Variants in ELL observed in about 807,000 individuals in gnomAD.
ELL encodes the protein RNA polymerase II elongation factor ELL.
In ELL, 18 loss-of-function variants were observed where a neutral mutation model predicts 64.0. The ratio of observed to expected loss-of-function variants is 0.28; its 90% CI spans 0.19 to 0.42. ELL has a LOEUF of 0.42. ELL is among the 10% of genes least tolerant of loss of function. ELL has a pLI of 1.00. For synonymous variants in ELL, 399 were observed against 376.2 expected (o/e 1.06, Z -0.70); for missense variants, 797 against 870.4 (o/e 0.92, Z 1.06).
rs564762169 is a variant in ELL, at chr19:18,496,832, G to T, written c.136-23950C>A. ...TAATATAAAAAATCCAGAAGGAAAA[G>T]TCTAGTCTGAAATGACAATGAGATA... On this transcript the variant is annotated intron_variant, in intron 1 of 11. Transcript: ENST00000262809. Among the ~76,000 whole-genome samples, 10 of 152,352 alleles carry T rather than the reference G, an allele frequency of 6.6e-5. No individual in the cohort carries two copies. In the South Asian group the frequency reaches 2.1e-3, roughly 32 times the overall value.
rs1974326051 is a variant in ELL, at chr19:18,442,983, GAACA to G, written c.*1765_*1768del. 8.6e-6 allele frequency: 2 copies of G among 232,222 alleles called. No individual in the cohort carries two copies. Among genetic ancestry groups the G allele is most frequent in the Middle Eastern group, 1.3e-3 (1 of 778 alleles). The allele number at this position is 232,222 out of a possible 1,614,324, so 14.4% of individuals were successfully genotyped here. ...TTAGCTTCATAATTCCTTAAAAGGAGAACAAATAAACAACAAAAACAACAACAAC... is the reference window on the plus strand; with the variant it reads ...TTAGCTTCATAATTCCTTAAAAGGAGAATAAACAACAAAAACAACAACAAC... On this transcript the variant is annotated 3_prime_UTR_variant, in exon 12 of 12. Transcript: ENST00000262809.
intron 1 of ELL, among the ~76,000 whole-genome samples, chr19:18,486,869 A>G (rs540361975): frequency 4.6e-5 from 7 of 152,142 alleles, no homozygotes; most frequent in Non-Finnish European, 7.3e-5. Flanking sequence ...GCAACCTGGG[A>G]GCTGCCACAT....
intron 1 of ELL, among the ~76,000 whole-genome samples, chr19:18,474,909 C>T (rs1418128064): frequency 6.6e-6 from 1 of 152,178 alleles, no homozygotes; most frequent in Non-Finnish European, 1.5e-5. Context: ...GATCACTTGA[C>T]GTCAGGAGTT....
rs1251873929 is a variant in ELL at position 18,521,785 on chromosome 19, G to A, written c.135+136C>T. 4 of 1,320,942 alleles carry A rather than the reference G, an allele frequency of 3.0e-6. No individual in the cohort carries two copies. The Admixed American group carries it at 9.5e-5, about 31-fold the overall frequency. 81.8% of individuals were successfully genotyped at this position (1,320,942 alleles called of 1,614,324 possible). ...CAGGCCGGACTGGCGCCCACTCCGC[G>A]CCCCGCCGGCCCAGGGACCCGCGAG... On this transcript the variant is annotated intron_variant, in intron 1 of 11. Coordinates refer to ENST00000262809, the MANE Select transcript of ELL (RefSeq NM_006532.4).
chr19:18,457,221 C>A (rs560189013), intron 6 of ELL, among the ~76,000 whole-genome samples: 1 of 152,204 alleles, frequency 6.6e-6, no homozygotes, highest in Non-Finnish European at 1.5e-5. Flanking sequence ...GGAAGCTCCC[C>A]GACGCCCCAG....
chr19:18,443,933 G>C lies in ELL; in HGVS notation c.*819C>G, dbSNP rs939725651. Reference sequence around the variant, plus strand: ...CAGCAGCAGCAACAAATGGGAAACCGAGGACATCGCAAAGAAAAGTCTGAC... The same window carrying C: ...CAGCAGCAGCAACAAATGGGAAACCCAGGACATCGCAAAGAAAAGTCTGAC... On this transcript the variant is annotated 3_prime_UTR_variant, in exon 12 of 12. Coordinates refer to ENST00000262809, the MANE Select transcript of ELL (RefSeq NM_006532.4). 1.3e-5 allele frequency: 3 copies of C among 232,614 alleles called. No homozygotes were observed. Among genetic ancestry groups the C allele is most frequent in the Non-Finnish European group, 2.5e-5 (3 of 117,728 alleles). 14.4% of individuals were successfully genotyped at this position (232,614 alleles called of 1,614,324 possible). A position where few individuals can be genotyped will look rare whatever the true frequency, so the allele number is the denominator to read the frequency against.
intron 1 of ELL, among the ~76,000 whole-genome samples, chr19:18,479,796 A>G (rs1263470201): frequency 6.6e-6 from 1 of 151,916 alleles, no homozygotes; most frequent in Non-Finnish European, 1.5e-5. Context: ...TGAAGAGATG[A>G]GACACACAGA....
intron 1 of ELL, among the ~76,000 whole-genome samples, chr19:18,509,598 T>TACACACACACACACAC (rs1183127480): frequency 3.8e-4 from 31 of 81,868 alleles, no homozygotes; most frequent in Admixed American, 1.0e-3. Flanking sequence ...CGCGCGCACA[T>TACACACACACACACAC]ACACACACAC....
chr19:18,477,044 A>G (rs1975190852), intron 1 of ELL, among the ~76,000 whole-genome samples: 1 of 152,230 alleles, frequency 6.6e-6, no homozygotes, highest in African/African-American at 2.4e-5. Context: ...ATGAGTCGGC[A>G]CAAAGACGTG....
At chr19:18,507,547 G>A (rs1378898024) in intron 1 of ELL, among the ~76,000 whole-genome samples, 1 of 152,212 alleles carries the variant, frequency 6.6e-6, no homozygotes, top group Non-Finnish European at 1.5e-5. Context: ...ATGCCTGCCT[G>A]CCCATGTCCA....
chr19:18,464,128 G>C (rs1974889802), intron 4 of ELL, among the ~76,000 whole-genome samples: 2 of 152,216 alleles, frequency 1.3e-5, no homozygotes, highest in Admixed American at 1.3e-4. Flanking sequence ...CAGCATTGTG[G>C]GAGGCCCAGG....
intron 1 of ELL, among the ~76,000 whole-genome samples, chr19:18,509,593 G>GCGCGCGCGCGCGCGCGCA: frequency 1.2e-5 from 1 of 83,240 alleles, no homozygotes; most frequent in East Asian, 3.9e-4. Flanking sequence ...GCGCGCGCGC[G>GCGCGCGCGCGCGCGCGCA]CACATACACA....
At chr19:18,457,217 T>C (rs1974699998) in intron 6 of ELL, among the ~76,000 whole-genome samples, 1 of 152,054 alleles carries the variant, frequency 6.6e-6, no homozygotes, top group African/African-American at 2.4e-5. Flanking sequence ...CCGGGGAAGC[T>C]CCCCGACGCC....
At chr19:18,461,484 C>G (rs1974812119) in intron 5 of ELL, 94 bp downstream of exon 5, 1 of 1,520,026 alleles carries the variant, frequency 6.6e-7, no homozygotes, top group East Asian at 2.3e-5. Context: ...CCTTGCCAGT[C>G]CCAATCCCAG....
chr19:18,462,357 GTGTGTGTT>G (rs1294487651), intron 4 of ELL, among the ~76,000 whole-genome samples: 2 of 91,800 alleles, frequency 2.2e-5, no homozygotes, highest in African/African-American at 6.1e-5. Flanking sequence ...GTGTGTGTGT[GTGTGTGTT>G]TGGGCGGGGG....
chr19:18,472,966 T>A, intron 1 of ELL, 84 bp from the exon 2 acceptor site: 1 of 1,434,602 alleles, frequency 7.0e-7, no homozygotes, highest in Non-Finnish European at 9.3e-7. Context: ...TCCCCAGGTA[T>A]AGAAGGAGCA....
intron 1 of ELL, among the ~76,000 whole-genome samples, chr19:18,486,052 C>T (rs1430576063): frequency 1.3e-5 from 2 of 152,042 alleles, no homozygotes; most frequent in East Asian, 1.9e-4. Flanking sequence ...GGATGCATCA[C>T]GAAGCCCCTC....
At chr19:18,471,540 C>T (rs948060169) in intron 2 of ELL, among the ~76,000 whole-genome samples, 3 of 152,164 alleles carry the variant, frequency 2.0e-5, no homozygotes, top group Non-Finnish European at 4.4e-5. Context: ...TGGTGGCAGG[C>T]GTCTGTAATC....
Position 18,450,705 on chromosome 19 carries a change from G to C in ELL, c.1237C>G (p.His413Asp). The change falls in exon 8 of 12, where the codon CAC becomes GAC. Residue 413 changes from histidine to aspartate, a missense_variant. Transcript: ENST00000262809. ...GGGGCTGGGGCAGCCGCCTCTCCGT[G>C]CTCACAGTCTCGGCCGCTGTGGCCC... is the stretch of plus-strand genomic sequence containing the variant. The part of the protein sequence containing the change: ...DLGHSGRDCE[H>D]GEAAAPAPTV... 1.3e-6 allele frequency: 2 copies of C among 1,586,574 alleles called. No homozygotes were observed. Among genetic ancestry groups the C allele is most frequent in the Non-Finnish European group, 1.7e-6 (2 of 1,167,108 alleles).
Sources: gnomAD v4.1 joint callset for allele counts (sites outside exome capture counted in the v4.1 genomes callset) on GRCh38, gnomAD v4.1.1 for gene constraint, MANE v1.5 for transcripts, NCBI Gene and HGNC (gene_info 2026-07-23, HGNC 2026-07-21) for gene names.